The following DPP10 variants were observed in gnomAD, a reference collection of about 807,000 sequenced individuals.
DPP10 encodes the protein inactive dipeptidyl peptidase 10.
In DPP10, 33 loss-of-function variants were observed where a neutral mutation model predicts 120.9. That is an observed-to-expected ratio of 0.27 (90% CI 0.21 to 0.37). The LOEUF (loss-of-function observed/expected upper bound fraction) is 0.37, where lower values mean the gene tolerates loss of function less well. DPP10 is among the 10% of genes least tolerant of loss of function. The pLI, the probability that DPP10 is intolerant of heterozygous loss-of-function variation, is 1.00. For synonymous variants in DPP10, 337 were observed against 326.1 expected (o/e 1.03, Z -0.36); for missense variants, 816 against 942.8 (o/e 0.87, Z 1.76).
intron 1 of DPP10, among the ~76,000 whole-genome samples, chr2:115,179,563 C>T (rs1326379514): frequency 3.3e-5 from 5 of 152,064 alleles, no homozygotes; most frequent in Non-Finnish European, 5.9e-5. Context: ...GCAAACCACC[C>T]TCTCAGTGAA....
chr2:115,215,798 A>G (rs1574040814), intron 1 of DPP10, among the ~76,000 whole-genome samples: 2 of 152,284 alleles, frequency 1.3e-5, no homozygotes, highest in South Asian at 4.1e-4. Flanking sequence ...CAGCAATCCT[A>G]TTACTGGGTA....
intron 7 of DPP10, among the ~76,000 whole-genome samples, chr2:115,716,113 T>C (rs1372684417): frequency 6.6e-6 from 1 of 152,224 alleles, no homozygotes; most frequent in Non-Finnish European, 1.5e-5. Flanking sequence ...TTTTTCTTCT[T>C]TGTGGAACGT....
At chr2:114,785,474 A>C (rs1320833248) in intron 1 of DPP10, among the ~76,000 whole-genome samples, 1 of 152,166 alleles carries the variant, frequency 6.6e-6, no homozygotes, top group African/African-American at 2.4e-5. Context: ...TTATGCAGGC[A>C]AGAAGATAGT....
intron 1 of DPP10, among the ~76,000 whole-genome samples, chr2:114,768,158 A>C (rs1680910491): frequency 7.1e-6 from 1 of 141,310 alleles, no homozygotes; most frequent in South Asian, 2.1e-4. Flanking sequence ...TTCTCAGAGA[A>C]AAAAAAAAAT....
rs544494077 is a variant in DPP10 at position 115,356,261 on chromosome 2, G to A, written c.271+12349G>A. Among the ~76,000 whole-genome samples, 3 of 152,200 alleles carry A rather than the reference G, an allele frequency of 2.0e-5. No homozygotes were observed. The South Asian group carries it at 6.2e-4, about 32-fold the overall frequency. ...AGTGGTTTGTACTTCCCCTTGAGGA[G>A]CAACTTCACATCCCTAGTTAGCTAT... On this transcript the variant is annotated intron_variant, in intron 3 of 25. Coordinates refer to ENST00000410059, the MANE Select transcript of DPP10 (RefSeq NM_020868.6).
chr2:115,643,400 GA>G, intron 5 of DPP10, among the ~76,000 whole-genome samples: 1 of 152,246 alleles, frequency 6.6e-6, no homozygotes, highest in Non-Finnish European at 1.5e-5. Context: ...GTAGCAGCAT[GA>G]AAAATTGTAG....
At chr2:115,453,988 G>T (rs1017509197) in intron 3 of DPP10, among the ~76,000 whole-genome samples, 9 of 151,244 alleles carry the variant, frequency 6.0e-5, no homozygotes, top group African/African-American at 1.9e-4. Flanking sequence ...TAGCAAAAAT[G>T]GATAAAGTCA....
chr2:115,258,459 CACTG>C (rs1250597259), intron 1 of DPP10, among the ~76,000 whole-genome samples: 4 of 145,878 alleles, frequency 2.7e-5, no homozygotes, highest in Non-Finnish European at 6.0e-5. Flanking sequence ...CTAGCTTACA[CACTG>C]TAGTATCCAA....
intron 1 of DPP10, among the ~76,000 whole-genome samples, chr2:115,077,073 C>T (rs994447807): frequency 2.0e-5 from 3 of 152,236 alleles, no homozygotes; most frequent in Middle Eastern, 6.8e-3. Context: ...TTGGGGCCAC[C>T]TCTACTGTCA....
At chr2:114,988,650 A>G (rs1257143394) in intron 1 of DPP10, among the ~76,000 whole-genome samples, 2 of 152,170 alleles carry the variant, frequency 1.3e-5, no homozygotes, top group East Asian at 1.9e-4. Flanking sequence ...ACAATTTATC[A>G]TCAATATGAT....
rs1575981636 is a variant in DPP10, at chr2:115,845,019, A to T, written c.*2674A>T. On this transcript the variant is annotated 3_prime_UTR_variant, in exon 26 of 26. Transcript: ENST00000410059. The stretch of plus-strand genomic sequence containing the variant: ...TGTGCCTTTTTTTAATTGGGTGTTT[A>T]GCATAAAAATCACTATTGGGGATCT... The T allele has an allele frequency of 6.6e-6, 1 of 152,194 alleles. No homozygotes were observed. Among genetic ancestry groups the T allele is most frequent in the South Asian group, 2.1e-4 (1 of 4,828 alleles). 9.4% of individuals were successfully genotyped at this position (152,194 alleles called of 1,614,324 possible). A position where few individuals can be genotyped will look rare whatever the true frequency, so the allele number is the denominator to read the frequency against.
At chr2:114,477,170 G>A (rs1436764825) in intron 1 of DPP10, among the ~76,000 whole-genome samples, 1 of 151,772 alleles carries the variant, frequency 6.6e-6, no homozygotes, top group Non-Finnish European at 1.5e-5. Context: ...TGTTGGACAG[G>A]CAGGTCTTGA....
chr2:114,522,230 C>T (rs1372672185), intron 1 of DPP10, among the ~76,000 whole-genome samples: 18 of 150,894 alleles, frequency 1.2e-4, no homozygotes, highest in Admixed American at 2.6e-4. Context: ...ATGATCCGCC[C>T]GCCTCGGCCT....
intron 5 of DPP10, among the ~76,000 whole-genome samples, chr2:115,678,416 G>A (rs1030858513): frequency 1.3e-5 from 2 of 152,248 alleles, no homozygotes; most frequent in Non-Finnish European, 2.9e-5. Flanking sequence ...TGCTTCAGGT[G>A]CAAGCACCCA....
chr2:115,321,187 G>T (rs138275122), intron 2 of DPP10, among the ~76,000 whole-genome samples: 1 of 152,054 alleles, frequency 6.6e-6, no homozygotes, highest in African/African-American at 2.4e-5. Context: ...TGTAATCCCC[G>T]CTCCTTGGGA....
At chr2:115,432,662 TGTGTGTG>T (rs2071110779) in intron 3 of DPP10, among the ~76,000 whole-genome samples, 1 of 80,248 alleles carries the variant, frequency 1.2e-5, no homozygotes, top group African/African-American at 5.6e-5. Flanking sequence ...GGCAATTTTG[TGTGTGTG>T]TGTGTGTGTG....
intron 1 of DPP10, chr2:115,065,677 C>G (rs578202436): frequency 6.6e-6 from 1 of 151,104 alleles, no homozygotes; most frequent in East Asian, 1.9e-4. Flanking sequence ...GTGCACACCT[C>G]CCCCCCCAAT....
intron 1 of DPP10, among the ~76,000 whole-genome samples, chr2:114,725,070 T>C (rs528590541): frequency 4.6e-5 from 7 of 152,182 alleles, no homozygotes; most frequent in Non-Finnish European, 1.0e-4. Flanking sequence ...AACAACTTCG[T>C]ATCAGCCCAC....
intron 1 of DPP10, among the ~76,000 whole-genome samples, chr2:115,285,115 A>T (rs1450396183): frequency 6.6e-6 from 1 of 152,036 alleles, no homozygotes; most frequent in Non-Finnish European, 1.5e-5. Flanking sequence ...TCTGTGAATG[A>T]GAAAGCTAAG....
Sources: gnomAD v4.1 joint callset for allele counts (sites outside exome capture counted in the v4.1 genomes callset) on GRCh38, gnomAD v4.1.1 for gene constraint, MANE v1.5 for transcripts, NCBI Gene and HGNC (gene_info 2026-07-23, HGNC 2026-07-21) for gene names.